Variants in MSRA observed in about 807,000 individuals in gnomAD.
MSRA encodes the protein mitochondrial peptide methionine sulfoxide reductase.
A neutral mutation model predicts 31.3 loss-of-function variants in MSRA; 54 were observed. That is an observed-to-expected ratio of 1.73 (90% CI 1.39 to 2.17). MSRA has a LOEUF of 2.17. Ranked by LOEUF, MSRA falls within the 30% of genes most tolerant of loss-of-function variation. MSRA has a pLI of 0.00. For missense variants in MSRA, 507 were observed against 300.9 expected (o/e 1.69, Z -5.07); for synonymous variants, 169 against 116.5 (o/e 1.45, Z -2.90).
At chr8:10,249,768 C>G (rs1036189688) in intron 3 of MSRA, among the ~76,000 whole-genome samples, 4 of 152,164 alleles carry the variant, frequency 2.6e-5, no homozygotes, top group African/African-American at 7.2e-5. Context: ...TAATTCATGT[C>G]TTAGTGGCCA....
At chr8:10,255,173 C>G (rs571750114) in intron 3 of MSRA, among the ~76,000 whole-genome samples, 1 of 152,364 alleles carries the variant, frequency 6.6e-6, no homozygotes, top group South Asian at 2.1e-4. Flanking sequence ...GCCAAGTTAA[C>G]TTTGGGCTGA....
At chr8:10,378,659 C>G (rs1805884633) in intron 5 of MSRA, among the ~76,000 whole-genome samples, 2 of 152,224 alleles carry the variant, frequency 1.3e-5, no homozygotes, top group South Asian at 4.1e-4. Context: ...AGAGGCCATT[C>G]AACAGCCAGT....
chr8:10,325,742 T>A (rs1802325559), intron 5 of MSRA, among the ~76,000 whole-genome samples: 1 of 152,214 alleles, frequency 6.6e-6, no homozygotes, highest in Admixed American at 6.5e-5. Context: ...TCTAATACAT[T>A]CACAAAATGG....
intron 3 of MSRA, among the ~76,000 whole-genome samples, chr8:10,269,279 G>A (rs1352376010): frequency 6.6e-6 from 1 of 152,202 alleles, no homozygotes; most frequent in Non-Finnish European, 1.5e-5. Flanking sequence ...TGGTTTCATT[G>A]TAACTCATCC....
intron 1 of MSRA, among the ~76,000 whole-genome samples, chr8:10,169,489 A>G (rs941386672): frequency 2.6e-5 from 4 of 152,238 alleles, no homozygotes; most frequent in Admixed American, 6.5e-5. Context: ...TCATAAACCT[A>G]GGTGTAAAAC....
chr8:10,362,528 G>T (rs1293544608), intron 5 of MSRA, among the ~76,000 whole-genome samples: 1 of 151,428 alleles, frequency 6.6e-6, no homozygotes, highest in Non-Finnish European at 1.5e-5. Flanking sequence ...CTGGGCATGG[G>T]AGGGGAGGCC....
intron 5 of MSRA, 101 bp from the exon 6 acceptor site, chr8:10,428,047 C>G (rs1809293910): frequency 7.6e-7 from 1 of 1,314,312 alleles, no homozygotes; most frequent in African/African-American, 1.5e-5. Context: ...ACATCCCAAG[C>G]CACGCGTCTG....
chr8:10,254,250 C>A (rs1798064371), intron 3 of MSRA, among the ~76,000 whole-genome samples: 1 of 152,204 alleles, frequency 6.6e-6, no homozygotes, highest in South Asian at 2.1e-4. Flanking sequence ...AGGGTGACCA[C>A]CTACCCACAA....
At chr8:10,296,121 G>T (rs1189260518) in intron 3 of MSRA, among the ~76,000 whole-genome samples, 1 of 152,130 alleles carries the variant, frequency 6.6e-6, no homozygotes, top group African/African-American at 2.4e-5. Flanking sequence ...TGTGGATGAA[G>T]GCTGAGCTGC....
At chr8:10,320,031 T>A (rs1390200953) in intron 5 of MSRA, 42 bp downstream of exon 5, 32 of 1,345,106 alleles carry the variant, frequency 2.4e-5, no homozygotes, top group Non-Finnish European at 3.1e-5. Flanking sequence ...TAGGCCACCA[T>A]GACTAGGGCC....
chr8:10,098,445 CT>C (rs1799317857), intron 1 of MSRA, among the ~76,000 whole-genome samples: 1 of 152,120 alleles, frequency 6.6e-6, no homozygotes, highest in Admixed American at 6.5e-5. Context: ...TAATTACTCG[CT>C]CATTTATTCA....
chr8:10,419,644 C>T (rs995336065), intron 5 of MSRA, among the ~76,000 whole-genome samples: 1 of 152,194 alleles, frequency 6.6e-6, no homozygotes, highest in Non-Finnish European at 1.5e-5. Flanking sequence ...AACGCAAATG[C>T]TGCTTTCCTG....
intron 5 of MSRA, among the ~76,000 whole-genome samples, chr8:10,374,349 C>G (rs573349049): frequency 5.9e-5 from 9 of 152,208 alleles, no homozygotes; most frequent in Non-Finnish European, 8.8e-5. Flanking sequence ...TGGGAAGACC[C>G]CTTTGTGGAC....
intron 1 of MSRA, among the ~76,000 whole-genome samples, chr8:10,062,026 C>G (rs529475923): frequency 2.0e-5 from 3 of 152,272 alleles, no homozygotes; most frequent in South Asian, 2.1e-4. Context: ...AGGAGGACAG[C>G]TGAGGCAAGG....
chr8:10,172,020 C>G (rs1805631129), intron 1 of MSRA, among the ~76,000 whole-genome samples: 2 of 152,146 alleles, frequency 1.3e-5, no homozygotes, highest in African/African-American at 4.8e-5. Flanking sequence ...TCCCATATAT[C>G]ATAGTAATAA....
chr8:10,268,335 C>T (rs547207890), intron 3 of MSRA, among the ~76,000 whole-genome samples: 1 of 152,226 alleles, frequency 6.6e-6, no homozygotes, highest in Non-Finnish European at 1.5e-5. Flanking sequence ...AAGTATGTTG[C>T]TGAAAAATGA....
intron 5 of MSRA, among the ~76,000 whole-genome samples, chr8:10,423,945 G>A (rs1357173898): frequency 1.3e-5 from 2 of 151,814 alleles, no homozygotes; most frequent in Non-Finnish European, 2.9e-5. Flanking sequence ...ATTGCACACA[G>A]TGCACAAAGC....
In MSRA at chr8:10,200,767, C is replaced by A. The variant is rs753555897; in HGVS notation, c.143-7066C>A. ...AACACCATATCGCACATTGTAGGAGCTGTGAGGGACAAACACAACCAGAAC... is the reference window on the plus strand; with the variant it reads ...AACACCATATCGCACATTGTAGGAGATGTGAGGGACAAACACAACCAGAAC... On this transcript the variant is annotated intron_variant, in intron 1 of 5. Coordinates refer to ENST00000317173, the MANE Select transcript of MSRA (RefSeq NM_012331.5). Among the ~76,000 whole-genome samples the A allele has an allele frequency of 6.6e-5, 10 of 152,196 alleles. 1 individual carries two copies. Among genetic ancestry groups the A allele is most frequent in the Non-Finnish European group, 1.2e-4 (8 of 68,036 alleles).
At chr8:10,401,069 A>G (rs1807432463) in intron 5 of MSRA, among the ~76,000 whole-genome samples, 1 of 149,748 alleles carries the variant, frequency 6.7e-6, no homozygotes, top group African/African-American at 2.5e-5. Context: ...TCAAATTTAA[A>G]AACTTTTACA....
Sources: gnomAD v4.1 joint callset for allele counts (sites outside exome capture counted in the v4.1 genomes callset) on GRCh38, gnomAD v4.1.1 for gene constraint, MANE v1.5 for transcripts, NCBI Gene and HGNC (gene_info 2026-07-23, HGNC 2026-07-21) for gene names.